NAV2: variants seen among roughly 807,000 people sequenced by gnomAD.
The protein encoded by NAV2 is helicase, APC down-regulated 1.
A neutral mutation model predicts 223.2 loss-of-function variants in NAV2; 54 were observed. The ratio of observed to expected loss-of-function variants is 0.24; its 90% CI spans 0.19 to 0.30. NAV2 has a LOEUF of 0.30. NAV2 is among the 10% of genes least tolerant of loss of function. The pLI is 1.00. For synonymous variants in NAV2, 1,279 were observed against 1,239.3 expected, an observed-to-expected ratio of 1.03 and a Z score of -0.67; for missense variants, 2,806 against 3,147.5, an observed-to-expected ratio of 0.89 and a Z score of 2.60.
intron 11 of NAV2, among the ~76,000 whole-genome samples, chr11:19,989,338 A>T (rs914961178): frequency 1.3e-5 from 2 of 152,140 alleles, no homozygotes; most frequent in African/African-American, 4.8e-5. Context: ...AGCTTTGAAG[A>T]TGGAGGAAGA....
At chr11:19,634,088 T>G (rs1027568991) in intron 1 of NAV2, among the ~76,000 whole-genome samples, 6 of 152,200 alleles carry the variant, frequency 3.9e-5, no homozygotes, top group Non-Finnish European at 8.8e-5. Context: ...GTCCACAACA[T>G]GCAGAGAGGC....
intron 22 of NAV2, among the ~76,000 whole-genome samples, chr11:20,070,423 C>G (rs1296927527): frequency 6.6e-6 from 1 of 152,206 alleles, no homozygotes; most frequent in East Asian, 1.9e-4. Flanking sequence ...GTTAATTGTT[C>G]CAGTGACCTC....
intron 1 of NAV2, among the ~76,000 whole-genome samples, chr11:19,790,993 C>T (rs746240198): frequency 6.6e-6 from 1 of 151,892 alleles, no homozygotes; most frequent in Non-Finnish European, 1.5e-5. Flanking sequence ...AATTTGTCTG[C>T]ACAACAGTCC....
chr11:19,590,376 A>G (rs2046026497), intron 1 of NAV2, among the ~76,000 whole-genome samples: 1 of 152,068 alleles, frequency 6.6e-6, no homozygotes, highest in Non-Finnish European at 1.5e-5. Context: ...TTCTGGCTGG[A>G]AGGTGGAGAC....
At chr11:19,477,616 C>T (rs944036557) in intron 1 of NAV2, among the ~76,000 whole-genome samples, 1 of 152,188 alleles carries the variant, frequency 6.6e-6, no homozygotes, top group Non-Finnish European at 1.5e-5. Context: ...AATTTACAAC[C>T]TTCATGAGGG....
At chr11:20,093,045 A>G in intron 28 of NAV2, 54 bp from the exon 29 acceptor site, 1 of 1,263,126 alleles carries the variant, frequency 7.9e-7, no homozygotes, top group South Asian at 1.2e-5. Context: ...GGTGTCAGGA[A>G]GCTGGCTTTG....
chr11:19,362,483 TA>T (rs1427093428), intron 1 of NAV2, among the ~76,000 whole-genome samples: 1 of 152,228 alleles, frequency 6.6e-6, no homozygotes, highest in East Asian at 1.9e-4. Context: ...TTAACTTTTT[TA>T]AAAGTTCGTC....
chr11:19,927,945 A>G (rs12223116), intron 6 of NAV2, among the ~76,000 whole-genome samples: 94,664 of 152,068 alleles, frequency 0.62, 29,674 homozygotes, highest in East Asian at 0.75. Context: ...ACAAGGCCTG[A>G]TCATGTTTCC....
intron 1 of NAV2, among the ~76,000 whole-genome samples, chr11:19,461,292 C>T (rs1243746711): frequency 6.6e-6 from 1 of 152,134 alleles, no homozygotes; most frequent in Non-Finnish European, 1.5e-5. Flanking sequence ...CAACACTCCT[C>T]CACAGGGATT....
At chr11:19,620,414 T>G (rs2046953535) in intron 1 of NAV2, among the ~76,000 whole-genome samples, 1 of 152,254 alleles carries the variant, frequency 6.6e-6, no homozygotes. Flanking sequence ...CTTCCATTTG[T>G]TTGTGTCCTC....
chr11:19,431,772 C>A (rs577223504), intron 1 of NAV2, among the ~76,000 whole-genome samples: 1 of 152,184 alleles, frequency 6.6e-6, no homozygotes, highest in African/African-American at 2.4e-5. Context: ...TATAGTAAGC[C>A]AAGATTTGCA....
At chr11:19,664,102 CAGG>C (rs1272414226) in intron 1 of NAV2, among the ~76,000 whole-genome samples, 1 of 152,232 alleles carries the variant, frequency 6.6e-6, no homozygotes. Context: ...CACAGCTATA[CAGG>C]TAGGGAACCA....
intron 1 of NAV2, among the ~76,000 whole-genome samples, chr11:19,432,172 T>TGGGC (rs1851060334): frequency 7.0e-6 from 1 of 142,820 alleles, no homozygotes; most frequent in Non-Finnish European, 1.5e-5. Flanking sequence ...CACTCCAGCC[T>TGGGC]GGGCAACAAG....
intron 36 of NAV2, among the ~76,000 whole-genome samples, chr11:20,110,810 A>T (rs971112053): frequency 6.6e-6 from 1 of 152,120 alleles, no homozygotes; most frequent in Non-Finnish European, 1.5e-5. Flanking sequence ...CCTGCCCCTC[A>T]CCTAACCCGG....
chr11:19,781,421 G>A (rs924626308), intron 1 of NAV2, among the ~76,000 whole-genome samples: 2 of 152,170 alleles, frequency 1.3e-5, no homozygotes, highest in Admixed American at 6.5e-5. Context: ...GTGGGGATGG[G>A]TTGGGTCATC....
chr11:20,036,367 C>T (rs1047268626), intron 12 of NAV2, among the ~76,000 whole-genome samples: 28 of 152,204 alleles, frequency 1.8e-4, no homozygotes, highest in Admixed American at 3.9e-4. Flanking sequence ...CCCTGGACCT[C>T]GGTTTCATAA....
Position 19,588,456 on chromosome 11 carries a change from T to C in NAV2, c.75+237429T>C, listed in dbSNP as rs2045961070. Among the ~76,000 whole-genome samples the C allele has an allele frequency of 2.6e-5, 4 of 152,158 alleles. 1 individual carries two copies. Among genetic ancestry groups the C allele is most frequent in the Admixed American group, 1.3e-4 (2 of 15,278 alleles). The stretch of plus-strand genomic sequence containing the variant: ...TTGACAGTGGCTTCCTGAAGATGAA[T>C]TCTGACGGCAAGCATGCTGTGATTG... On this transcript the variant is annotated intron_variant, in intron 1 of 37. Coordinates refer to the NAV2 transcript ENST00000360655.
At chr11:20,080,763 A>G (rs1487463082) in intron 25 of NAV2, among the ~76,000 whole-genome samples, 1 of 152,194 alleles carries the variant, frequency 6.6e-6, no homozygotes, top group African/African-American at 2.4e-5. Flanking sequence ...TGTACCTCAA[A>G]TAGCAAGTTT....
chr11:19,831,127 T>C (rs1344004923), intron 1 of NAV2, among the ~76,000 whole-genome samples: 3 of 149,078 alleles, frequency 2.0e-5, no homozygotes, highest in Non-Finnish European at 4.4e-5. Flanking sequence ...GAGGCCCTCA[T>C]GGTCCCCAGG....
Sources: allele counts gnomAD v4.1 joint callset (sites outside exome capture counted in the v4.1 genomes callset), GRCh38; gene constraint gnomAD v4.1.1; transcripts MANE v1.5; gene names NCBI Gene and HGNC (gene_info 2026-07-23, HGNC 2026-07-21).